Variants in AKR1A1 observed in about 807,000 individuals in gnomAD.
AKR1A1 encodes the protein aldo-keto reductase family 1 member A1, also known as HEL-S-165mP.
AKR1A1 carries 26 observed loss-of-function variants against 39.2 expected under a neutral mutation model. That is an observed-to-expected ratio of 0.66 (90% CI 0.49 to 0.92). The LOEUF (loss-of-function observed/expected upper bound fraction) is 0.92. Ranked by LOEUF, AKR1A1 falls within the 40% of genes least tolerant of loss-of-function variation. The probability of loss-of-function intolerance (pLI) is 0.00; values close to 1 mark genes in which losing one functional copy is unlikely to be tolerated. For missense variants in AKR1A1, 378 were observed against 406.5 expected, an observed-to-expected ratio of 0.93 and a Z score of 0.60; for synonymous variants, 141 against 155.5, an observed-to-expected ratio of 0.91 and a Z score of 0.69.
chr1:45,563,620 T>C (rs1364920625), intron 2 of AKR1A1, among the ~76,000 whole-genome samples: 1 of 151,216 alleles, frequency 6.6e-6, no homozygotes, highest in East Asian at 2.0e-4. Context: ...AGAAACCTCA[T>C]CTCTACTAAA....
intron 2 of AKR1A1, among the ~76,000 whole-genome samples, chr1:45,563,966 C>T (rs575979125): frequency 2.0e-5 from 3 of 152,270 alleles, no homozygotes; most frequent in Admixed American, 6.5e-5. Context: ...AGATTTGGCT[C>T]CTGCCTGGAA....
chr1:45,554,468 G>A (rs1644174498), intron 1 of AKR1A1, among the ~76,000 whole-genome samples: 1 of 151,766 alleles, frequency 6.6e-6, no homozygotes, highest in Non-Finnish European at 1.5e-5. Flanking sequence ...GGTGACATGT[G>A]CCTGTAGTCC....
chr1:45,552,896 G>A (rs1359392124), intron 1 of AKR1A1, among the ~76,000 whole-genome samples: 2 of 152,030 alleles, frequency 1.3e-5, no homozygotes, highest in East Asian at 3.9e-4. Context: ...AGGCCAAGGT[G>A]GGTGGATCAC....
At position 45,568,507 on chromosome 1, in the gene AKR1A1, C is replaced by G. The variant is rs1644374474; in HGVS notation, c.575C>G (p.Ala192Gly). 1 of 1,613,800 alleles carries G rather than the reference C, an allele frequency of 6.2e-7. No individual in the cohort carries two copies. Among genetic ancestry groups the G allele is most frequent in the African/African-American group, 1.3e-5 (1 of 75,038 alleles). Residue 192 changes from alanine (A) to glycine (G), a missense_variant, in exon 6 of 9, where the codon GCT becomes GGT. Physicochemically the swap from Ala to Gly is moderately conservative, Grantham distance 60 (BLOSUM62 0). Transcript: ENST00000351829. ...CAGGTGGAATGCCACCCATACTTGG[C>G]TCAAAATGAGCTAATTGCCCACTGC... ...VLQVECHPYL[A>G]QNELIAHCQA... is the part of the protein sequence containing the mutation.
chr1:45,551,313 ATC>A (rs200980695), intron 1 of AKR1A1, among the ~76,000 whole-genome samples, 158 bp downstream of exon 1: 2,399 of 152,242 alleles, frequency 0.016, 58 homozygotes, highest in African/African-American at 0.052. Context: ...TCTCTGTATG[ATC>A]TCTTGCTAAC....
intron 1 of AKR1A1, among the ~76,000 whole-genome samples, chr1:45,560,773 G>C (rs1247928749): frequency 1.3e-5 from 2 of 148,436 alleles, no homozygotes; most frequent in African/African-American, 5.0e-5. Flanking sequence ...TGTTGCCCAG[G>C]CTGGAGTGCA....
In AKR1A1 at chr1:45,566,978, AGT is replaced by A; in HGVS notation, c.315_316del (p.Tyr106SerfsTer13). 1 of 1,614,182 alleles carries A rather than the reference AGT, an allele frequency of 6.2e-7. No homozygotes were observed. ...AAGACTCTGGCTGACCTCCAGCTGG[AGT>A]ATCTGGACCTGTACCTGATGCACTG... On this transcript the variant is annotated frameshift_variant, in exon 4 of 9. Transcript: ENST00000351829. LOFTEE classifies it high-confidence loss of function.
Position 45,556,040 on chromosome 1 carries a change from A to G in AKR1A1, c.-7+4885A>G, listed in dbSNP as rs185776419. Among the ~76,000 whole-genome samples the G allele has an allele frequency of 2.0e-4, 31 of 152,286 alleles. No individual in the cohort carries two copies. In the East Asian group the frequency reaches 5.4e-3, roughly 27 times the overall value. ...AAGGGACCTTTCCTTTGCCTCCCAC[A>G]CCAGCATATGTGGGAGCCAGAGGAG... On this transcript the variant is annotated intron_variant, in intron 1 of 8. Coordinates refer to ENST00000351829, the MANE Select transcript of AKR1A1 (RefSeq NM_153326.3).
At chr1:45,561,948 C>A in intron 2 of AKR1A1, 70 bp downstream of exon 2, 1 of 1,466,106 alleles carries the variant, frequency 6.8e-7, no homozygotes, top group Admixed American at 1.7e-5. Flanking sequence ...GCCCCACCCC[C>A]ATACTCCCCT....
At chr1:45,568,323 C>G (rs1644372324) in intron 5 of AKR1A1, 146 bp downstream of exon 5, 10 of 1,252,914 alleles carry the variant, frequency 8.0e-6, no homozygotes, top group Non-Finnish European at 1.0e-5. Context: ...GGCATTGAAG[C>G]AGTGGGAGAG....
chr1:45,561,683 T>C (rs512083), intron 1 of AKR1A1, 106 bp from the exon 2 acceptor site: 540,464 of 1,081,442 alleles, frequency 0.5, 137,458 homozygotes, highest in East Asian at 0.69. Context: ...GGATTACAGG[T>C]GTGAGCCACT....
chr1:45,552,672 G>C (rs531805340), intron 1 of AKR1A1: 1 of 152,366 alleles, frequency 6.6e-6, no homozygotes, highest in Admixed American at 6.5e-5. Flanking sequence ...GTGGTGAAAT[G>C]AGAAAGATAG....
At chr1:45,564,409 C>G (rs1422401662) in intron 2 of AKR1A1, among the ~76,000 whole-genome samples, 4 of 152,068 alleles carry the variant, frequency 2.6e-5, no homozygotes, top group African/African-American at 9.7e-5. Context: ...GGCCGGGTAC[C>G]CTTGTTTCTG....
Position 45,568,080 on chromosome 1 carries a change from C to CT in AKR1A1, c.456dup (p.Lys153Ter). The CT allele has an allele frequency of 1.2e-6, 2 of 1,614,082 alleles. No homozygotes were observed. Among genetic ancestry groups the CT allele is most frequent in the East Asian group, 4.5e-5 (2 of 44,862 alleles). On this transcript the variant is annotated frameshift_variant, in exon 5 of 9. Transcript: ENST00000351829. LOFTEE classifies it high-confidence loss of function. ...TGGAAGGCTCTGGAGGCACTGGTGG[C>CT]TAAGGGGCTGGTGCAGGCGCTGGGC...
At chr1:45,567,381 C>T in intron 4 of AKR1A1, 1 of 204,526 alleles carries the variant, frequency 4.9e-6, no homozygotes, top group Non-Finnish European at 9.8e-6. Context: ...TAGTGCCGTG[C>T]CCTGTGCTGG....
chr1:45,556,409 G>C (rs1009505689), intron 1 of AKR1A1, among the ~76,000 whole-genome samples: 1 of 151,752 alleles, frequency 6.6e-6, no homozygotes, highest in Non-Finnish European at 1.5e-5. Flanking sequence ...GTGAAACCCC[G>C]TCTCTACTAA....
chr1:45,553,650 T>G (rs1052942438), intron 1 of AKR1A1, among the ~76,000 whole-genome samples: 2 of 152,024 alleles, frequency 1.3e-5, no homozygotes, highest in Admixed American at 1.3e-4. Flanking sequence ...ACTGACAAAA[T>G]CTGGCCAACA....
chr1:45,561,183 G>A (rs2148297059), intron 1 of AKR1A1, among the ~76,000 whole-genome samples: 1 of 152,280 alleles, frequency 6.6e-6, no homozygotes, highest in African/African-American at 2.4e-5. Flanking sequence ...AAGACTGGGT[G>A]CTTCTGTGTG....
intron 1 of AKR1A1, among the ~76,000 whole-genome samples, chr1:45,555,485 C>CT (rs1644190069): frequency 6.8e-6 from 1 of 147,402 alleles, no homozygotes; most frequent in Admixed American, 6.8e-5. Flanking sequence ...GAAACTGTGT[C>CT]TAAAAAAAAA....
Sources: allele counts gnomAD v4.1 joint callset (sites outside exome capture counted in the v4.1 genomes callset), GRCh38; gene constraint gnomAD v4.1.1; transcripts MANE v1.5; gene names NCBI Gene and HGNC (gene_info 2026-07-23, HGNC 2026-07-21).